IGF2BP3: variants seen among roughly 807,000 people sequenced by gnomAD.
IGF2BP3 encodes insulin like growth factor 2 mRNA binding protein 3.
IGF2BP3 carries 9 observed loss-of-function variants against 73.8 expected under a neutral mutation model. That is an observed-to-expected ratio of 0.12 (90% CI 0.07 to 0.21). IGF2BP3 has a LOEUF of 0.21. Among genes scored for constraint, IGF2BP3 ranks in the 10% least tolerant of loss-of-function variants. The probability of loss-of-function intolerance (pLI) is 1.00; values close to 1 mark genes in which losing one functional copy is unlikely to be tolerated. For synonymous variants in IGF2BP3, 258 were observed against 256.7 expected, an observed-to-expected ratio of 1.01 and a Z score of -0.05; for missense variants, 542 against 714.0, an observed-to-expected ratio of 0.76 and a Z score of 2.75.
At chr7:23,320,175 G>C (rs1208883470) in intron 10 of IGF2BP3, among the ~76,000 whole-genome samples, 2 of 151,812 alleles carry the variant, frequency 1.3e-5, no homozygotes, top group Admixed American at 1.3e-4. Flanking sequence ...GCCTCCCAAA[G>C]TGCTGGGATT....
At chr7:23,381,250 C>T (rs533263224) in intron 3 of IGF2BP3, among the ~76,000 whole-genome samples, 96 of 152,218 alleles carry the variant, frequency 6.3e-4, no homozygotes, top group Non-Finnish European at 1.2e-3. Flanking sequence ...CAGATATTAA[C>T]CCTGTTTTCA....
chr7:23,446,880 A>G (rs981286807), intron 2 of IGF2BP3, among the ~76,000 whole-genome samples: 3 of 152,106 alleles, frequency 2.0e-5, no homozygotes, highest in Non-Finnish European at 4.4e-5. Context: ...ACTGAAAGCA[A>G]TATCACTTCT....
At chr7:23,325,147 T>C (rs1420338124) in intron 10 of IGF2BP3, among the ~76,000 whole-genome samples, 3 of 152,274 alleles carry the variant, frequency 2.0e-5, no homozygotes, top group South Asian at 4.1e-4. Flanking sequence ...TGTTTGCAGA[T>C]GACATGATTG....
chr7:23,355,911 T>G, intron 5 of IGF2BP3, among the ~76,000 whole-genome samples: 1 of 144,944 alleles, frequency 6.9e-6, no homozygotes, highest in Non-Finnish European at 1.5e-5. Context: ...CCAGCCTAGG[T>G]GATGAAATGA....
intron 3 of IGF2BP3, among the ~76,000 whole-genome samples, chr7:23,368,326 G>GAAAGAAAGAAA (rs1785440531): frequency 2.2e-5 from 2 of 89,658 alleles, no homozygotes; most frequent in African/African-American, 9.7e-5. Flanking sequence ...GAGAGAGAAA[G>GAAAGAAAGAAA]AAAAGAAAGA....
intron 2 of IGF2BP3, among the ~76,000 whole-genome samples, chr7:23,440,970 T>A (rs1327600760): frequency 1.3e-5 from 2 of 152,172 alleles, no homozygotes; most frequent in African/African-American, 4.8e-5. Flanking sequence ...ACCCCTATGT[T>A]TACAACTTTA....
intron 11 of IGF2BP3, among the ~76,000 whole-genome samples, chr7:23,318,698 T>C (rs1784056633): frequency 1.3e-5 from 2 of 152,220 alleles, no homozygotes; most frequent in Admixed American, 1.3e-4. Context: ...TCTGGCCAAG[T>C]TCTGGGCAAT....
intron 6 of IGF2BP3, among the ~76,000 whole-genome samples, chr7:23,350,500 T>C (rs996065279): frequency 2.0e-5 from 3 of 152,132 alleles, no homozygotes; most frequent in African/African-American, 7.2e-5. Flanking sequence ...CCAAGCTTCT[T>C]TGGGTCAAAA....
At chr7:23,384,053 G>GC (rs1786001872) in intron 3 of IGF2BP3, among the ~76,000 whole-genome samples, 3 of 138,598 alleles carry the variant, frequency 2.2e-5, no homozygotes, top group African/African-American at 5.5e-5. Flanking sequence ...CCGAGATTGT[G>GC]CCACTGCACT....
chr7:23,458,359 C>T (rs190860874), intron 2 of IGF2BP3, among the ~76,000 whole-genome samples: 7 of 152,194 alleles, frequency 4.6e-5, no homozygotes, highest in East Asian at 1.9e-4. Context: ...GTCTCCTCAC[C>T]GAGAGGTTTC....
intron 12 of IGF2BP3, among the ~76,000 whole-genome samples, chr7:23,315,632 A>G (rs930352146): frequency 1.3e-5 from 2 of 152,110 alleles, no homozygotes; most frequent in African/African-American, 4.8e-5. Flanking sequence ...CGACAAAACA[A>G]AATTCATCTT....
intron 3 of IGF2BP3, chr7:23,362,748 T>G (rs2016845444): frequency 6.6e-6 from 1 of 150,658 alleles, no homozygotes; most frequent in African/African-American, 2.4e-5. Flanking sequence ...ACAAATTTTC[T>G]TATTTATTTA....
At chr7:23,391,792 T>C (rs1274025359) in intron 3 of IGF2BP3, among the ~76,000 whole-genome samples, 2 of 152,220 alleles carry the variant, frequency 1.3e-5, no homozygotes, top group African/African-American at 4.8e-5. Flanking sequence ...GAATAATTTG[T>C]AACACAGAAG....
At position 23,452,491 on chromosome 7, in the gene IGF2BP3, T is replaced by C. The variant is rs184993811; in HGVS notation, c.236+15991A>G. 2.7e-4 allele frequency among the ~76,000 whole-genome samples: 41 copies of C among 152,242 alleles called. No homozygotes were observed. The East Asian group carries it at 6.9e-3, about 26-fold the overall frequency. ...AGTTACAAATAGTTGAACATTAAAG[T>C]GCTTATTCTTTCCCTTTAAAACATG... On this transcript the variant is annotated intron_variant, in intron 2 of 14. Coordinates refer to ENST00000258729, the MANE Select transcript of IGF2BP3 (RefSeq NM_006547.3).
chr7:23,420,147 T>C (rs1787303837), intron 2 of IGF2BP3, among the ~76,000 whole-genome samples: 1 of 152,200 alleles, frequency 6.6e-6, no homozygotes, highest in Admixed American at 6.5e-5. Context: ...GCAATTGAGC[T>C]TGACATCTCA....
rs1216478934 is a variant in IGF2BP3, at chr7:23,469,784, C to A, written c.175+152G>T. ...GAGTGGGAGCCGGAGCTGAGGAGAG[C>A]CCCGGCCCCCACGCGCGTGGGTGTG... On this transcript the variant is annotated intron_variant, in intron 1 of 14. Coordinates refer to ENST00000258729, the MANE Select transcript of IGF2BP3 (RefSeq NM_006547.3). This position sits in a 1 kb window ranked among gnomAD's most constrained non-coding sequence, Gnocchi z 6.1. 6 of 369,476 alleles carry A rather than the reference C, an allele frequency of 1.6e-5. No homozygotes were observed. Among genetic ancestry groups the A allele is most frequent in the Non-Finnish European group, 2.3e-5 (5 of 214,586 alleles). 22.9% of individuals were successfully genotyped at this position (369,476 alleles called of 1,614,324 possible).
chr7:23,358,652 C>T (rs929877415), intron 5 of IGF2BP3, among the ~76,000 whole-genome samples: 6 of 152,318 alleles, frequency 3.9e-5, no homozygotes, highest in Non-Finnish European at 5.9e-5. Context: ...TTGGTGTTTA[C>T]GCTTTCTCTG....
intron 6 of IGF2BP3, 135 bp downstream of exon 6, chr7:23,351,170 T>C (rs1784950075): frequency 1.1e-6 from 1 of 875,866 alleles, no homozygotes; most frequent in Non-Finnish European, 1.7e-6. Flanking sequence ...GCAAGATTTT[T>C]ACACATTCCC....
chr7:23,346,922 T>G (rs538500743), intron 7 of IGF2BP3, among the ~76,000 whole-genome samples: 97 of 152,304 alleles, frequency 6.4e-4, no homozygotes, highest in African/African-American at 2.2e-3. Context: ...AATTCTTCTT[T>G]AAAATTTTTA....
Sources: gnomAD v4.1 joint callset for allele counts (sites outside exome capture counted in the v4.1 genomes callset) on GRCh38, gnomAD v4.1.1 for gene constraint, Gnocchi (gnomAD v3.1) non-coding constraint, MANE v1.5 for transcripts, NCBI Gene and HGNC (gene_info 2026-07-23, HGNC 2026-07-21) for gene names.